Variants in KIAA0825 observed in about 807,000 individuals in gnomAD.
KIAA0825 encodes the protein uncharacterized protein KIAA0825.
KIAA0825 carries 119 observed loss-of-function variants against 147.6 expected under a neutral mutation model. The observed-to-expected ratio is 0.81, with a 90% CI of 0.69 to 0.94. KIAA0825 has a LOEUF of 0.94. KIAA0825 is among the 40% of genes least tolerant of loss of function. KIAA0825 has a pLI of 0.00. For missense variants in KIAA0825, 1,381 were observed against 1,472.7 expected (o/e 0.94, Z 1.02); for synonymous variants, 470 against 518.1 (o/e 0.91, Z 1.26).
Position 94,563,370 on chromosome 5 carries a change from AAAG to A in KIAA0825, c.-2+19060_-2+19062del, listed in dbSNP as rs559036515. Among the ~76,000 whole-genome samples the A allele has an allele frequency of 4.5e-3, 684 of 152,098 alleles. 2 individuals are homozygous for A. Among genetic ancestry groups the A allele is most frequent in the African/African-American group, 0.016 (655 of 41,496 alleles). Reference sequence around the variant, plus strand: ...AAGACTCCGTCTCAAAAAAAAAAAAAAAGATGTTTTGGATTCACTCAACTTCAA... The same window carrying A: ...AAGACTCCGTCTCAAAAAAAAAAAAAATGTTTTGGATTCACTCAACTTCAA... On this transcript the variant is annotated intron_variant, in intron 2 of 20. Coordinates refer to ENST00000682413, the MANE Select transcript of KIAA0825 (RefSeq NM_001145678.3).
chr5:94,174,433 C>T (rs572873309), intron 20 of KIAA0825, among the ~76,000 whole-genome samples: 2 of 152,138 alleles, frequency 1.3e-5, no homozygotes, highest in African/African-American at 4.8e-5. Flanking sequence ...CAATTGTGTA[C>T]ATTTCATAAA....
chr5:94,350,396 T>C (rs538315703), intron 20 of KIAA0825, among the ~76,000 whole-genome samples: 2 of 152,206 alleles, frequency 1.3e-5, no homozygotes, highest in East Asian at 1.9e-4. Flanking sequence ...TTCCACAAGA[T>C]AGGGGAAGAA....
chr5:94,194,235 G>A lies in KIAA0825; in HGVS notation c.3711-40111C>T, dbSNP rs150293315. 1.5e-4 allele frequency among the ~76,000 whole-genome samples: 23 copies of A among 152,034 alleles called. No homozygotes were observed. The Middle Eastern group carries it at 0.02, about 135-fold the overall frequency. Reference sequence around the variant, plus strand: ...CATGCTGAAAGCCATTCTTTTATTGGCCTTCACACCACTCTCCTGGCTTTT... The same window carrying A: ...CATGCTGAAAGCCATTCTTTTATTGACCTTCACACCACTCTCCTGGCTTTT... On this transcript the variant is annotated intron_variant, in intron 20 of 20. Coordinates refer to ENST00000682413, the MANE Select transcript of KIAA0825 (RefSeq NM_001145678.3).
At chr5:94,313,516 A>G (rs1323546498) in intron 20 of KIAA0825, among the ~76,000 whole-genome samples, 1 of 151,628 alleles carries the variant, frequency 6.6e-6, no homozygotes, top group Non-Finnish European at 1.5e-5. Context: ...TGGATTAAGT[A>G]TCATCAAGAG....
intron 20 of KIAA0825, among the ~76,000 whole-genome samples, chr5:94,359,743 A>G (rs2150398600): frequency 6.6e-6 from 1 of 152,376 alleles, no homozygotes; most frequent in East Asian, 1.9e-4. Flanking sequence ...ATGAAATGGG[A>G]AAATTAAGAT....
Position 94,575,303 on chromosome 5 carries a change from G to T in KIAA0825, c.-2+7130C>A, listed in dbSNP as rs1051133647. 2.6e-5 allele frequency among the ~76,000 whole-genome samples: 4 copies of T among 151,672 alleles called. No individual in the cohort carries two copies. In the South Asian group the frequency reaches 8.3e-4, roughly 32 times the overall value. On this transcript the variant is annotated intron_variant, in intron 2 of 20. Coordinates refer to ENST00000682413, the MANE Select transcript of KIAA0825 (RefSeq NM_001145678.3). ...CAACAGAGAGAGGAAGATCAATTAGGAAGATAATTAGTAGATATGAAGGTG... is the reference window on the plus strand; with the variant it reads ...CAACAGAGAGAGGAAGATCAATTAGTAAGATAATTAGTAGATATGAAGGTG...
At chr5:94,162,186 T>C (rs1442005504) in intron 20 of KIAA0825, among the ~76,000 whole-genome samples, 3 of 152,190 alleles carry the variant, frequency 2.0e-5, no homozygotes, top group Non-Finnish European at 2.9e-5. Flanking sequence ...TTTCCAGAGA[T>C]ATAAATGATA....
Position 94,523,977 on chromosome 5 carries a change from A to T in KIAA0825, c.253T>A (p.Ser85Thr). 1 of 1,606,146 alleles carries T rather than the reference A, an allele frequency of 6.2e-7. No homozygotes were observed. The highest frequency in any genetic ancestry group is 1.1e-5 in the South Asian group (1 of 89,894). The change falls in exon 4 of 21, where the codon TCA (serine) becomes ACA (threonine). Residue 85 changes from serine (S) to threonine (T), a missense_variant. Transcript: ENST00000682413. ...LTNYNYSTSE[S>T]SFISHGDLIK... ...AAGTCTCCATGAGAAATGAAAGATGATTCAGATGTACTGTAATTATAGTTA... is the reference window on the plus strand; with the variant it reads ...AAGTCTCCATGAGAAATGAAAGATGTTTCAGATGTACTGTAATTATAGTTA...
In KIAA0825 at chr5:94,484,754, A is replaced by G; in HGVS notation, c.1132+15T>C. 1 of 1,434,640 alleles carries G rather than the reference A, an allele frequency of 7.0e-7. No individual in the cohort carries two copies. Among genetic ancestry groups the G allele is most frequent in the South Asian group, 1.5e-5 (1 of 68,524 alleles). 88.9% of individuals were successfully genotyped at this position (1,434,640 alleles called of 1,614,324 possible). ...AAATTATAGATTTACAAATTTAAAC[A>G]AAAGAGGATATTACCTGAAGTATCC... On this transcript the variant is annotated intron_variant, in intron 6 of 20. Transcript: ENST00000682413.
At chr5:94,444,248 C>T (rs547852754) in intron 13 of KIAA0825, among the ~76,000 whole-genome samples, 1 of 152,202 alleles carries the variant, frequency 6.6e-6, no homozygotes, top group South Asian at 2.1e-4. Flanking sequence ...ACCAGGGGGA[C>T]CATTTAGGAT....
chr5:94,362,350 A>G (rs1417084184), intron 20 of KIAA0825, among the ~76,000 whole-genome samples: 1 of 152,230 alleles, frequency 6.6e-6, no homozygotes, highest in Non-Finnish European at 1.5e-5. Context: ...TAAGTAGGGT[A>G]ACATTCATTC....
At chr5:94,567,436 A>C (rs562621916) in intron 2 of KIAA0825, 1 of 152,332 alleles carries the variant, frequency 6.6e-6, no homozygotes, top group South Asian at 2.1e-4. Flanking sequence ...AAAATCCAAA[A>C]AGAAAGTGCA....
rs563246198 is a variant in KIAA0825, at chr5:94,401,763, G to A, written c.2887+1806C>T. Among the ~76,000 whole-genome samples, 6 of 152,182 alleles carry A rather than the reference G, an allele frequency of 3.9e-5. No homozygotes were observed. The East Asian group carries it at 7.7e-4, about 20-fold the overall frequency. On this transcript the variant is annotated intron_variant, in intron 16 of 20. Coordinates refer to ENST00000682413, the MANE Select transcript of KIAA0825 (RefSeq NM_001145678.3). ...TTGAAACAGTTATACTAGTCTCCTG[G>A]CACCAGGAGGAGATACTGTACTTAG... is the stretch of plus-strand genomic sequence containing the variant.
rs142760004 is a variant in KIAA0825 at position 94,559,579 on chromosome 5, C to T, written c.-1-22452G>A. Among the ~76,000 whole-genome samples, 399 of 152,290 alleles carry T rather than the reference C, an allele frequency of 2.6e-3. 2 individuals are homozygous for T. Among genetic ancestry groups the T allele is most frequent in the African/African-American group, 9.3e-3 (385 of 41,560 alleles). On this transcript the variant is annotated intron_variant, in intron 2 of 20. Coordinates refer to ENST00000682413, the MANE Select transcript of KIAA0825 (RefSeq NM_001145678.3). ...CCTACCTATATAAGCAAAACTTTAA[C>T]TGATCCCATTTCCCTGGAGTCTGTG... is the stretch of plus-strand genomic sequence containing the variant.
At chr5:94,348,216 G>T (rs561915516) in intron 20 of KIAA0825, among the ~76,000 whole-genome samples, 3 of 152,108 alleles carry the variant, frequency 2.0e-5, no homozygotes, top group African/African-American at 7.2e-5. Flanking sequence ...TTTGGAAAAC[G>T]TATTTCGGGA....
chr5:94,420,602 G>A (rs750306316), intron 14 of KIAA0825, among the ~76,000 whole-genome samples: 12 of 151,964 alleles, frequency 7.9e-5, no homozygotes, highest in East Asian at 3.9e-4. Context: ...GACGTTCTGC[G>A]GATGCACATC....
intron 20 of KIAA0825, among the ~76,000 whole-genome samples, chr5:94,323,936 A>T (rs1165302469): frequency 6.6e-6 from 1 of 152,002 alleles, no homozygotes; most frequent in African/African-American, 2.4e-5. Context: ...GGTACAAATG[A>T]CTGTCCAAAG....
At chr5:94,432,165 T>C (rs1329297366) in intron 14 of KIAA0825, among the ~76,000 whole-genome samples, 1 of 152,232 alleles carries the variant, frequency 6.6e-6, no homozygotes, top group African/African-American at 2.4e-5. Context: ...TTGCCTTCTA[T>C]AGCAGCAGAT....
At chr5:94,441,687 C>A (rs1485577627) in intron 13 of KIAA0825, among the ~76,000 whole-genome samples, 1 of 152,150 alleles carries the variant, frequency 6.6e-6, no homozygotes, top group Non-Finnish European at 1.5e-5. Context: ...CCTTCACTAG[C>A]ATGCAACTGT....
Sources: allele counts gnomAD v4.1 joint callset (sites outside exome capture counted in the v4.1 genomes callset), GRCh38; gene constraint gnomAD v4.1.1; transcripts MANE v1.5; gene names NCBI Gene and HGNC (gene_info 2026-07-23, HGNC 2026-07-21).